The following XKR9 variants were observed in gnomAD, a reference collection of about 807,000 sequenced individuals.
XKR9 encodes the protein XK related 9.
In XKR9, 32 loss-of-function variants were observed where a neutral mutation model predicts 32.0. That is an observed-to-expected ratio of 1.00 (90% CI 0.76 to 1.34). XKR9 has a LOEUF of 1.34. Among genes scored for constraint, XKR9 ranks in the 40% most tolerant of loss-of-function variants. The probability of loss-of-function intolerance (pLI) is 0.00; values close to 1 mark genes in which losing one functional copy is unlikely to be tolerated. For missense variants in XKR9, 546 were observed against 429.7 expected (o/e 1.27, Z -2.39); for synonymous variants, 168 against 143.4 (o/e 1.17, Z -1.22).
At chr8:70,849,950 A>G in the XKR9 span, among the ~76,000 whole-genome samples, 1,690 of 151,524 alleles carry the variant, frequency 0.011, 30 homozygotes, top group African/African-American at 0.037. Context: ...GACCGATAAC[A>G]AGTTCTGAAA....
At chr8:70,776,986 C>T (rs1036257546) in intron 2 of XKR9, among the ~76,000 whole-genome samples, 61 of 101,000 alleles carry the variant, frequency 6.0e-4, no homozygotes, top group South Asian at 2.9e-4. Flanking sequence ...ACTTTAAGTT[C>T]TGAGGTACAT....
intron 3 of XKR9, among the ~76,000 whole-genome samples, chr8:70,693,718 C>T (rs998507510): frequency 6.6e-6 from 1 of 152,134 alleles, no homozygotes; most frequent in Non-Finnish European, 1.5e-5. Context: ...TGGGTCCAAG[C>T]CAGGGGTTTT....
intron 2 of XKR9, among the ~76,000 whole-genome samples, chr8:70,772,085 GCATTATACCT>G (rs1192677100): frequency 2.0e-5 from 3 of 152,124 alleles, no homozygotes; most frequent in Admixed American, 6.6e-5. Context: ...TACCAGACTT[GCATTATACCT>G]GATAAATTAA....
At chr8:70,807,413 A>G in the XKR9 span, among the ~76,000 whole-genome samples, 2 of 152,188 alleles carry the variant, frequency 1.3e-5, no homozygotes, top group East Asian at 1.9e-4. Context: ...ACTCATAACA[A>G]TACTAACATT....
intron 4 of XKR9, among the ~76,000 whole-genome samples, chr8:70,719,735 C>T (rs1020421468): frequency 6.6e-5 from 10 of 152,084 alleles, no homozygotes; most frequent in Non-Finnish European, 1.0e-4. Context: ...ATGATGTCTC[C>T]AGCTTTGATC....
chr8:70,682,310 T>C (rs1296222695), intron 3 of XKR9, among the ~76,000 whole-genome samples: 1 of 152,198 alleles, frequency 6.6e-6, no homozygotes, highest in Non-Finnish European at 1.5e-5. Flanking sequence ...TTGAGAATTA[T>C]GTAGTTGTAA....
At chr8:70,763,615 A>G (rs999727010) in intron 2 of XKR9, among the ~76,000 whole-genome samples, 1 of 152,214 alleles carries the variant, frequency 6.6e-6, no homozygotes, top group Non-Finnish European at 1.5e-5. Context: ...TTGGCTTAAA[A>G]GGAAATTTCA....
the XKR9 span, among the ~76,000 whole-genome samples, chr8:70,945,682 T>C: frequency 6.6e-6 from 1 of 152,210 alleles, no homozygotes; most frequent in Non-Finnish European, 1.5e-5. Context: ...ATTTACAGTG[T>C]TAGAAGATGT....
the XKR9 span, among the ~76,000 whole-genome samples, chr8:70,809,768 C>A: frequency 6.6e-6 from 1 of 152,094 alleles, no homozygotes; most frequent in African/African-American, 2.4e-5. Flanking sequence ...GAAACAAAGC[C>A]TCCAAGAAAT....
At chr8:70,716,640 G>C (rs755876714) in intron 4 of XKR9, among the ~76,000 whole-genome samples, 1 of 152,108 alleles carries the variant, frequency 6.6e-6, no homozygotes, top group Non-Finnish European at 1.5e-5. Context: ...TCCATGACAC[G>C]TGGGGCTTAT....
chr8:70,695,126 T>C (rs1339329646), intron 3 of XKR9, among the ~76,000 whole-genome samples: 1 of 109,434 alleles, frequency 9.1e-6, no homozygotes, highest in African/African-American at 2.7e-5. Flanking sequence ...TGCCTTGTTT[T>C]TCTTTTTTTT....
chr8:70,776,947 C>CTCTCTCTCTCTCTCTCTCTATA, intron 2 of XKR9, among the ~76,000 whole-genome samples: 45 of 54,206 alleles, frequency 8.3e-4, no homozygotes, highest in Admixed American at 4.7e-3. Context: ...CTCTCTCTCT[C>CTCTCTCTCTCTCTCTCTCTATA]TATATATATA....
the XKR9 span, among the ~76,000 whole-genome samples, chr8:70,866,158 CACA>C: frequency 6.6e-6 from 1 of 152,152 alleles, no homozygotes; most frequent in African/African-American, 2.4e-5. Context: ...CATTAATTCT[CACA>C]ACATGATCAT....
the XKR9 span, among the ~76,000 whole-genome samples, chr8:70,859,139 T>G: frequency 1.3e-5 from 2 of 152,122 alleles, no homozygotes; most frequent in African/African-American, 4.8e-5. Flanking sequence ...CATAAAGTGC[T>G]AAAACAACTC....
At chr8:70,954,432 A>G in the XKR9 span, among the ~76,000 whole-genome samples, 11 of 152,366 alleles carry the variant, frequency 7.2e-5, no homozygotes, top group African/African-American at 2.4e-4. Context: ...TGATATCTGC[A>G]AAAGATTACC....
intron 4 of XKR9, among the ~76,000 whole-genome samples, chr8:70,713,570 G>A (rs1805990733): frequency 1.3e-5 from 2 of 152,068 alleles, no homozygotes; most frequent in African/African-American, 4.8e-5. Flanking sequence ...AAAGAGCAAA[G>A]GAAGTAGTAA....
intron 4 of XKR9, among the ~76,000 whole-genome samples, chr8:70,714,115 G>T (rs1387718184): frequency 6.6e-6 from 1 of 152,014 alleles, no homozygotes; most frequent in Non-Finnish European, 1.5e-5. Context: ...GGAGGGGAGA[G>T]AGATTTCTAA....
the XKR9 span, among the ~76,000 whole-genome samples, chr8:71,041,878 TC>T: frequency 1.3e-5 from 2 of 152,194 alleles, no homozygotes; most frequent in East Asian, 3.8e-4. Flanking sequence ...CAATTAAACC[TC>T]TTTCTTTTAT....
At chr8:70,755,970 CTA>C (rs1278728025) in intron 2 of XKR9, among the ~76,000 whole-genome samples, 1 of 151,988 alleles carries the variant, frequency 6.6e-6, no homozygotes, top group African/African-American at 2.4e-5. Flanking sequence ...AGATTTGCTC[CTA>C]TGTTTTCTTC....
Sources: gnomAD v4.1 joint callset for allele counts (sites outside exome capture counted in the v4.1 genomes callset) on GRCh38, gnomAD v4.1.1 for gene constraint, MANE v1.5 for transcripts, NCBI Gene and HGNC (gene_info 2026-07-23, HGNC 2026-07-21) for gene names.